Variants in DNAJC11 observed in about 807,000 individuals in gnomAD.
DNAJC11 encodes dnaJ homolog subfamily C member 11.
In DNAJC11, 15 loss-of-function variants were observed where a neutral mutation model predicts 78.6. That is an observed-to-expected ratio of 0.19 (90% CI 0.13 to 0.29). The LOEUF (loss-of-function observed/expected upper bound fraction) is 0.29, where lower values mean the gene tolerates loss of function less well. Ranked by LOEUF, DNAJC11 falls within the 10% of genes least tolerant of loss-of-function variation. DNAJC11 has a pLI of 1.00. For synonymous variants in DNAJC11, 292 were observed against 272.1 expected, an observed-to-expected ratio of 1.07 and a Z score of -0.72; for missense variants, 547 against 709.6, an observed-to-expected ratio of 0.77 and a Z score of 2.60.
intron 4 of DNAJC11, among the ~76,000 whole-genome samples, chr1:6,662,135 G>T (rs56212715): frequency 0.42 from 48,276 of 114,798 alleles, 8,912 homozygotes; most frequent in Middle Eastern, 0.49. Context: ...TTTGTTTTTT[G>T]TTTTTTTTTT....
At position 6,678,445 on chromosome 1, in the gene DNAJC11, C is replaced by G; in HGVS notation, c.225G>C (p.Arg75Ser). The G allele has an allele frequency of 6.2e-7, 1 of 1,613,812 alleles. No individual in the cohort carries two copies. Among genetic ancestry groups the G allele is most frequent in the Non-Finnish European group, 8.5e-7 (1 of 1,179,892 alleles). Residue 75 changes from arginine to serine, a missense_variant, in exon 3 of 16, where the codon AGG becomes AGC. Arg to Ser is a moderately radical substitution (Grantham distance 110). Transcript: ENST00000377577. ...TCTTCCCATATATATCATAGATGGC[C>G]CTGGTTTGGGGGTCACTAAGCACTG... is the stretch of plus-strand genomic sequence containing the variant. ...AYEVLSDPQT[R>S]AIYDIYGKRG...
chr1:6,664,629 C>A (rs909077661), intron 4 of DNAJC11, among the ~76,000 whole-genome samples: 11 of 152,346 alleles, frequency 7.2e-5, no homozygotes, highest in African/African-American at 2.6e-4. Flanking sequence ...AACACCACCA[C>A]CACATTTAGT....
At chr1:6,696,179 A>G (rs545377731) in intron 1 of DNAJC11, among the ~76,000 whole-genome samples, 3 of 152,382 alleles carry the variant, frequency 2.0e-5, no homozygotes, top group African/African-American at 4.8e-5. Context: ...CATTATAAAT[A>G]TCAAACTTTA....
At chr1:6,693,557 T>C (rs914894716) in intron 1 of DNAJC11, among the ~76,000 whole-genome samples, 2 of 151,974 alleles carry the variant, frequency 1.3e-5, no homozygotes, top group Admixed American at 6.6e-5. Context: ...CTAGTTTTTG[T>C]ATTTTTAGTA....
chr1:6,634,714 G>C lies in DNAJC11; in HGVS notation c.*961C>G. On this transcript the variant is annotated 3_prime_UTR_variant, in exon 16 of 16. Coordinates refer to ENST00000377577, the MANE Select transcript of DNAJC11 (RefSeq NM_018198.4). The stretch of plus-strand genomic sequence containing the variant: ...ACGTGGAGGAAGGGTCTGAAGGAAG[G>C]CTCCGGAGCACAGGCCCTGGTGTTC... 1.5e-6 allele frequency: 2 copies of C among 1,363,670 alleles called. No individual in the cohort carries two copies. Among genetic ancestry groups the C allele is most frequent in the Non-Finnish European group, 9.8e-7 (1 of 1,020,678 alleles). 84.5% of individuals were successfully genotyped at this position (1,363,670 alleles called of 1,614,324 possible).
chr1:6,646,146 G>A (rs1371738312), intron 7 of DNAJC11, among the ~76,000 whole-genome samples, 168 bp from the exon 8 acceptor site: 1 of 151,668 alleles, frequency 6.6e-6, no homozygotes, highest in African/African-American at 2.4e-5. Context: ...CCACACAGAG[G>A]GGGAGGGTCC....
intron 3 of DNAJC11, among the ~76,000 whole-genome samples, chr1:6,675,762 C>G (rs921245344): frequency 3.9e-5 from 6 of 152,070 alleles, no homozygotes; most frequent in Admixed American, 6.6e-5. Context: ...TGTGGATTTG[C>G]TTTGTTTCTA....
chr1:6,634,756 C>T lies in DNAJC11; in HGVS notation c.*919G>A. ...CTGGTGTTCCTGTGAGGACGCTGGA[C>T]CTGCAGGAGCGGGGAGCTGCAGTGC... On this transcript the variant is annotated 3_prime_UTR_variant, in exon 16 of 16. Transcript: ENST00000377577. The T allele has an allele frequency of 7.5e-7, 1 of 1,340,396 alleles. No individual in the cohort carries two copies. Among genetic ancestry groups the T allele is most frequent in the Non-Finnish European group, 9.9e-7 (1 of 1,008,214 alleles). 83.0% of individuals were successfully genotyped at this position (1,340,396 alleles called of 1,614,324 possible).
At chr1:6,636,961 G>A (rs902026119) in intron 14 of DNAJC11, among the ~76,000 whole-genome samples, 7 of 152,100 alleles carry the variant, frequency 4.6e-5, no homozygotes, top group Non-Finnish European at 8.8e-5. Context: ...CAATCCTTCC[G>A]CTTCAGCCTC....
chr1:6,675,033 GC>G (rs1457394206), intron 3 of DNAJC11, among the ~76,000 whole-genome samples: 1 of 152,192 alleles, frequency 6.6e-6, no homozygotes, highest in Non-Finnish European at 1.5e-5. Flanking sequence ...TGGAGTGAAA[GC>G]TATTATTGCA....
chr1:6,668,603 T>A (rs1041801110), intron 3 of DNAJC11, among the ~76,000 whole-genome samples: 2 of 152,114 alleles, frequency 1.3e-5, no homozygotes, highest in East Asian at 3.9e-4. Context: ...TAGGTGTTTT[T>A]ATTCTGTTGT....
intron 6 of DNAJC11, among the ~76,000 whole-genome samples, chr1:6,651,938 G>A (rs1261813767): frequency 1.1e-4 from 6 of 56,464 alleles, no homozygotes; most frequent in South Asian, 1.1e-3. Context: ...GCAGCCCCCC[G>A]CCACCTGCAG....
chr1:6,659,665 G>C (rs1241873852), intron 4 of DNAJC11, among the ~76,000 whole-genome samples: 1 of 152,198 alleles, frequency 6.6e-6, no homozygotes, highest in Non-Finnish European at 1.5e-5. Flanking sequence ...GGAGGCTGAG[G>C]CAGAAGAATT....
At position 6,680,550 on chromosome 1, in the gene DNAJC11, T is replaced by C. The variant is rs1309558849; in HGVS notation, c.202+358A>G. Among the ~76,000 whole-genome samples, 3 of 152,198 alleles carry C rather than the reference T, an allele frequency of 2.0e-5. No individual in the cohort carries two copies. Among genetic ancestry groups the C allele is most frequent in the Non-Finnish European group, 4.4e-5 (3 of 68,026 alleles). On this transcript the variant is annotated intron_variant, in intron 2 of 15. Transcript: ENST00000377577. This position sits in a 1 kb window ranked among gnomAD's most constrained non-coding sequence, Gnocchi z 4.0. The stretch of plus-strand genomic sequence containing the variant: ...TCACTTTTGGATGAAAAAATGTCCT[T>C]GTATCTTCTAACAAAAAAGAGAACA...
chr1:6,654,217 C>T, intron 4 of DNAJC11, 178 bp from the exon 5 acceptor site: 1 of 632,922 alleles, frequency 1.6e-6, no homozygotes, highest in Non-Finnish European at 2.6e-6. Flanking sequence ...ACAGTCCGAA[C>T]CAAACTGCAG....
At chr1:6,642,106 G>C (rs1641887052) in intron 10 of DNAJC11, among the ~76,000 whole-genome samples, 1 of 152,190 alleles carries the variant, frequency 6.6e-6, no homozygotes, top group African/African-American at 2.4e-5. Flanking sequence ...GCAGGAGGGG[G>C]CCTGGTGTGT....
chr1:6,693,617 C>G (rs944503206), intron 1 of DNAJC11, among the ~76,000 whole-genome samples: 1 of 151,526 alleles, frequency 6.6e-6, no homozygotes, highest in African/African-American at 2.4e-5. Flanking sequence ...CTCCTGACCT[C>G]GTGATTCACC....
chr1:6,693,509 G>A (rs1414909702), intron 1 of DNAJC11, among the ~76,000 whole-genome samples: 1 of 151,400 alleles, frequency 6.6e-6, no homozygotes, highest in Non-Finnish European at 1.5e-5. Flanking sequence ...TCAGCCTCCC[G>A]AGTAGCTGGG....
intron 1 of DNAJC11, among the ~76,000 whole-genome samples, chr1:6,685,974 C>T (rs184369143): frequency 2.0e-5 from 3 of 152,178 alleles, no homozygotes; most frequent in African/African-American, 4.8e-5. Context: ...ACTGTGCTAT[C>T]GTTGGTTCTA....
Sources: gnomAD v4.1 joint callset for allele counts (sites outside exome capture counted in the v4.1 genomes callset) on GRCh38, gnomAD v4.1.1 for gene constraint, Gnocchi (gnomAD v3.1) non-coding constraint, MANE v1.5 for transcripts, NCBI Gene and HGNC (gene_info 2026-07-23, HGNC 2026-07-21) for gene names.